Variants in GPAT2 observed in about 807,000 individuals in gnomAD.
The protein encoded by GPAT2 is 1-acylglycerol-3-phosphate O-acyltransferase GPAT2.
A neutral mutation model predicts 71.0 loss-of-function variants in GPAT2; 51 were observed. The observed-to-expected ratio is 0.72, with a 90% confidence interval of 0.57 to 0.91. The LOEUF (loss-of-function observed/expected upper bound fraction) is 0.91, where lower values mean the gene tolerates loss of function less well. Ranked by LOEUF, GPAT2 falls within the 40% of genes least tolerant of loss-of-function variation. The pLI is 0.00. For synonymous variants in GPAT2, 222 were observed against 290.3 expected, an observed-to-expected ratio of 0.76 and a Z score of 2.39; for missense variants, 511 against 666.0, an observed-to-expected ratio of 0.77 and a Z score of 2.56.
intron 21 of GPAT2, 145 bp downstream of exon 21, chr2:96,022,523 G>A: frequency 1.0e-6 from 1 of 962,856 alleles, no homozygotes. Context: ...TCTGTTGCTG[G>A]AAGACACCAA....
rs1403472178 is a variant in GPAT2, at chr2:96,023,090, G to A, written c.2167+16C>T. On this transcript the variant is annotated intron_variant, in intron 19 of 21. Coordinates refer to ENST00000434632, the MANE Select transcript of GPAT2 (RefSeq NM_001321527.2). ...CACAGCCTGCCTCGAGGACTGCAAG[G>A]GAACAAGGGCCTCACCAGTATCGGG... 3 of 1,613,728 alleles carry A rather than the reference G, an allele frequency of 1.9e-6. No homozygotes were observed. The highest frequency in any genetic ancestry group is 1.7e-5 in the Admixed American group (1 of 59,998).
At chr2:96,028,366 CAG>C (rs1405020151) in intron 6 of GPAT2, among the ~76,000 whole-genome samples, 1 of 86,980 alleles carries the variant, frequency 1.1e-5, no homozygotes, top group Non-Finnish European at 2.3e-5. Context: ...ACATCAGAAT[CAG>C]AGCATCTGCC....
intron 6 of GPAT2, 48 bp downstream of exon 6, chr2:96,030,358 A>AAGGACAGAG: frequency 2.6e-6 from 1 of 382,722 alleles, no homozygotes; most frequent in South Asian, 2.2e-5. Context: ...CGCTCTCCAG[A>AAGGACAGAG]AGGACAGAGT....
chr2:96,031,733 AT>A (rs1680693798), intron 3 of GPAT2, among the ~76,000 whole-genome samples: 1 of 105,694 alleles, frequency 9.5e-6, no homozygotes, highest in East Asian at 2.0e-4. Flanking sequence ...TGAGTGGGTG[AT>A]GTCCACAAAA....
At chr2:96,024,742 G>A (rs375714417) in intron 14 of GPAT2, 31 bp downstream of exon 14, 80 of 1,611,552 alleles carry the variant, frequency 5.0e-5, no homozygotes, top group Non-Finnish European at 6.3e-5. Context: ...CCCCCCCACC[G>A]CCCAGGTCCC....
intron 20 of GPAT2, 70 bp from the exon 21 acceptor site, chr2:96,022,793 C>T (rs965261970): frequency 2.5e-6 from 4 of 1,613,786 alleles, no homozygotes; most frequent in African/African-American, 1.3e-5. Flanking sequence ...GGCTTCTCTC[C>T]TCTTGTTTAA....
chr2:96,025,562 G>A lies in GPAT2; in HGVS notation c.1280C>T (p.Pro427Leu). Reference sequence around the variant, plus strand: ...GAGGGCCAGGAGAGGCCCAGTTATGGGGGTCCACTCCTGCTCCTTCTCAGT... The same window carrying A: ...GAGGGCCAGGAGAGGCCCAGTTATGAGGGTCCACTCCTGCTCCTTCTCAGT... ...PDTEKEQEWT[P>L]ITGPLLALKE... is the part of the protein sequence containing the mutation. The change falls in exon 13 of 22, where the codon CCC becomes CTC. Residue 427 changes from proline to leucine, a missense_variant. This residue lies in a region of GPAT2 where 79 missense variants were observed against 111.4 expected (regional missense o/e 0.71). Coordinates refer to ENST00000434632, the MANE Select transcript of GPAT2 (RefSeq NM_001321527.2). 3 of 1,572,924 alleles carry A rather than the reference G, an allele frequency of 1.9e-6. No individual in the cohort carries two copies. The highest frequency in any genetic ancestry group is 2.6e-6 in the Non-Finnish European group (3 of 1,159,528).
In GPAT2 at chr2:96,023,239, G is replaced by C; in HGVS notation, c.2047-13C>G. 6.2e-7 allele frequency: 1 copy of C among 1,612,016 alleles called. No individual in the cohort carries two copies. Among genetic ancestry groups the C allele is most frequent in the Non-Finnish European group, 8.5e-7 (1 of 1,179,190 alleles). ...ACTGCTGGCTGAGCTGGAGGGGACA[G>C]GCCGGGGTGAGTGCAGCTCCCCACC... On this transcript the variant is annotated splice_polypyrimidine_tract_variant and intron_variant, in intron 18 of 21. Coordinates refer to ENST00000434632, the MANE Select transcript of GPAT2 (RefSeq NM_001321527.2).
chr2:96,023,164 C>T lies in GPAT2; in HGVS notation c.2109G>A (p.Leu703=), dbSNP rs1679895869. ...FLFLCRLLSP[L]LKAFAQAAAF... Reference sequence around the variant, plus strand: ...CGGCAGCCTGTGCAAAGGCCTTGAGCAGCGGGCTGAGCAGGCGGCAGAGGA... The same window carrying T: ...CGGCAGCCTGTGCAAAGGCCTTGAGTAGCGGGCTGAGCAGGCGGCAGAGGA... The change falls in exon 19 of 22, where the codon CTG becomes CTA. Residue 703 remains leucine, a synonymous_variant. Transcript: ENST00000434632. The T allele has an allele frequency of 1.2e-6, 2 of 1,606,440 alleles. No individual in the cohort carries two copies. Among genetic ancestry groups the T allele is most frequent in the African/African-American group, 1.3e-5 (1 of 74,770 alleles).
chr2:96,023,238 A>C lies in GPAT2; in HGVS notation c.2047-12T>G, dbSNP rs752018564. 2 of 1,611,864 alleles carry C rather than the reference A, an allele frequency of 1.2e-6. No individual in the cohort carries two copies. Among genetic ancestry groups the C allele is most frequent in the Non-Finnish European group, 1.7e-6 (2 of 1,179,102 alleles). ...GACTGCTGGCTGAGCTGGAGGGGAC[A>C]GGCCGGGGTGAGTGCAGCTCCCCAC... On this transcript the variant is annotated splice_polypyrimidine_tract_variant and intron_variant, in intron 18 of 21. Coordinates refer to ENST00000434632, the MANE Select transcript of GPAT2 (RefSeq NM_001321527.2).
intron 17 of GPAT2, 53 bp from the exon 18 acceptor site, chr2:96,023,493 A>C (rs1679973815): frequency 1.3e-6 from 2 of 1,589,722 alleles, no homozygotes; most frequent in Admixed American, 3.3e-5. Context: ...GATCAACCCT[A>C]CACCCCCAGA....
Position 96,026,423 on chromosome 2 carries a change from T to A in GPAT2, c.1033-118A>T, listed in dbSNP as rs1035453018. On this transcript the variant is annotated intron_variant, in intron 10 of 21. Transcript: ENST00000434632. ...CCTCTGGTCCCACCCTGCTCAGTTTTATCTCAGGCCCAAACTGGTGCGTGA... is the reference window on the plus strand; with the variant it reads ...CCTCTGGTCCCACCCTGCTCAGTTTAATCTCAGGCCCAAACTGGTGCGTGA... The A allele has an allele frequency of 7.1e-6, 7 of 991,618 alleles. No individual in the cohort carries two copies. The Admixed American group carries it at 2.4e-4, about 34-fold the overall frequency. 61.4% of individuals were successfully genotyped at this position (991,618 alleles called of 1,614,324 possible).
At chr2:96,025,907 A>G in intron 12 of GPAT2, 23 bp downstream of exon 12, 1 of 1,609,246 alleles carries the variant, frequency 6.2e-7, no homozygotes, top group Non-Finnish European at 8.5e-7. Flanking sequence ...GCCCCCTGAG[A>G]CCCCACGCTC....
chr2:96,023,638 C>G (rs1679994054), intron 17 of GPAT2, 198 bp from the exon 18 acceptor site: 1 of 671,112 alleles, frequency 1.5e-6, no homozygotes, highest in Admixed American at 2.9e-5. Context: ...GGCAGTAGCC[C>G]TGTGGCCAAG....
chr2:96,022,631 C>T (rs763179642), intron 21 of GPAT2, 37 bp downstream of exon 21: 9 of 1,607,698 alleles, frequency 5.6e-6, no homozygotes, highest in Non-Finnish European at 7.7e-6. Context: ...GGGGTGGGAG[C>T]AGGGGGACAG....
At chr2:96,025,824 A>C (rs1157399645) in intron 12 of GPAT2, 106 bp downstream of exon 12, 2 of 1,307,258 alleles carry the variant, frequency 1.5e-6, no homozygotes, top group East Asian at 4.7e-5. Flanking sequence ...ACCCCAGGAT[A>C]CTTGGTGAGG....
Position 96,024,663 on chromosome 2 carries a change from A to G in GPAT2, c.1451T>C (p.Leu484Pro). The G allele has an allele frequency of 1.2e-6, 2 of 1,613,848 alleles. No homozygotes were observed. The highest frequency in any genetic ancestry group is 1.7e-6 in the Non-Finnish European group (2 of 1,179,896). Residue 484 changes from leucine (L) to proline (P), a missense_variant, in exon 15 of 22, where the codon CTG becomes CCG. Around this residue, in one of 7 missense-constraint regions of GPAT2, gnomAD observed 295 missense variants for 305.5 expected, o/e 0.97. Transcript: ENST00000434632. ...CTCCGTCAGCCAGGAGAACTCCCCCAGGAGCTGCGACAGGAACACACCCTG... is the reference window on the plus strand; with the variant it reads ...CTCCGTCAGCCAGGAGAACTCCCCCGGGAGCTGCGACAGGAACACACCCTG... Reference protein sequence around the residue: ...HQKGVFLSQLLGEFSWLTEEI... With the variant: ...HQKGVFLSQLPGEFSWLTEEI...
chr2:96,034,075 AATACATAT>A (rs1223999937), intron 1 of GPAT2, among the ~76,000 whole-genome samples: 3 of 150,194 alleles, frequency 2.0e-5, no homozygotes, highest in African/African-American at 4.9e-5. Flanking sequence ...ATATACATAT[AATACATAT>A]ATACATATAT....
Position 96,023,393 on chromosome 2 carries a change from G to C in GPAT2, c.1962C>G (p.Ser654Arg). Residue 654 changes from serine (S) to arginine (R), a missense_variant, in exon 18 of 22, where the codon AGC (serine) becomes AGG (arginine). By Grantham distance (110) the Ser-to-Arg change is moderately radical (BLOSUM62 -1). Around this residue, in one of 7 missense-constraint regions of GPAT2, gnomAD observed 295 missense variants for 305.5 expected, o/e 0.97. Coordinates refer to ENST00000434632, the MANE Select transcript of GPAT2 (RefSeq NM_001321527.2). ...PACDTGRQRL[S>R]RKLLWKPSGD... The stretch of plus-strand genomic sequence containing the variant: ...CACTCGGTTTCCACAGCAGCTTTCT[G>C]CTCAATCGCTGTCGCCCTGTGTCAC... The C allele has an allele frequency of 6.2e-7, 1 of 1,614,162 alleles. No homozygotes were observed. Among genetic ancestry groups the C allele is most frequent in the Non-Finnish European group, 8.5e-7 (1 of 1,180,032 alleles).
Sources: allele counts gnomAD v4.1 joint callset (sites outside exome capture counted in the v4.1 genomes callset), GRCh38; gene constraint gnomAD v4.1.1; regional missense constraint gnomAD v4.1.1; transcripts MANE v1.5; gene names NCBI Gene and HGNC (gene_info 2026-07-23, HGNC 2026-07-21).